Variants in ARRB2 observed in about 807,000 individuals in gnomAD.
The protein encoded by ARRB2 is arrestin beta 2.
ARRB2 carries 21 observed loss-of-function variants against 53.4 expected under a neutral mutation model. The ratio of observed to expected loss-of-function variants is 0.39; its 90% CI spans 0.28 to 0.57. The LOEUF (loss-of-function observed/expected upper bound fraction) is 0.57, where lower values mean the gene tolerates loss of function less well. Among genes scored for constraint, ARRB2 ranks in the 20% least tolerant of loss-of-function variants. The pLI is 0.55. For synonymous variants in ARRB2, 180 were observed against 212.9 expected (o/e 0.85, Z 1.34); for missense variants, 369 against 527.5 (o/e 0.70, Z 2.94).
At chr17:4,719,553 G>C in intron 11 of ARRB2, 133 bp downstream of exon 11, 2 of 1,314,002 alleles carry the variant, frequency 1.5e-6, no homozygotes, top group Non-Finnish European at 2.1e-6. Context: ...AGGGGAGGGA[G>C]GATAGCCAAA....
chr17:4,713,079 G>A (rs189418877), intron 1 of ARRB2, among the ~76,000 whole-genome samples: 2 of 152,328 alleles, frequency 1.3e-5, no homozygotes, highest in East Asian at 1.9e-4. Flanking sequence ...ACCTAAGGCC[G>A]GGCACGGTGG....
Position 4,719,340 on chromosome 17 carries a change from C to T in ARRB2, c.837C>T (p.Leu279=). 6.2e-7 allele frequency: 1 copy of T among 1,614,152 alleles called. No individual in the cohort carries two copies. Among genetic ancestry groups the T allele is most frequent in the Non-Finnish European group, 8.5e-7 (1 of 1,180,018 alleles). The change falls in exon 11 of 15, where the codon CTC becomes CTT. Residue 279 remains leucine, a synonymous_variant. Transcript: ENST00000269260. ...FCKVYTITPL[L]SDNREKRGLA... ...AGGTGTACACCATAACCCCACTGCT[C>T]AGCGACAACCGGGAGAAGCGGGGTC...
At chr17:4,716,808 C>A in intron 5 of ARRB2, 200 bp downstream of exon 5, 1 of 942,672 alleles carries the variant, frequency 1.1e-6, no homozygotes, top group Non-Finnish European at 1.5e-6. Context: ...TTCTTCCCTT[C>A]TCATCCCCAG....
chr17:4,715,694 GACACACAC>G (rs150787978), intron 2 of ARRB2: 29,623 of 439,766 alleles, frequency 0.067, 2,074 homozygotes, highest in African/African-American at 0.29. Context: ...GTTGGCTGAG[GACACACAC>G]ACACACACAC....
At position 4,717,904 on chromosome 17, in the gene ARRB2, G is replaced by C; in HGVS notation, c.502G>C (p.Val168Leu). 1 of 1,614,028 alleles carries C rather than the reference G, an allele frequency of 6.2e-7. No homozygotes were observed. Among genetic ancestry groups the C allele is most frequent in the Admixed American group, 1.7e-5 (1 of 60,034 alleles). Residue 168 changes from valine to leucine, a missense_variant, in exon 8 of 15, where the codon GTG becomes CTG. By Grantham distance (32) the Val-to-Leu change is conservative (BLOSUM62 1). Coordinates refer to ENST00000269260, the MANE Select transcript of ARRB2 (RefSeq NM_004313.4). The surrounding 1 kb of genome is among the most constrained non-coding windows in gnomAD (Gnocchi z 6.0). ...TGATCCCAGGAACTCTGTGCGGCTG[G>C]TGATCCGAAAGGTGCAGTTCGCCCC... Reference protein sequence around the residue: ...KSHKRNSVRLVIRKVQFAPEK... With the variant: ...KSHKRNSVRLLIRKVQFAPEK...
At position 4,715,694 on chromosome 17, in the gene ARRB2, G is replaced by GAC. The variant is rs150787978; in HGVS notation, c.55-249_55-248dup. On this transcript the variant is annotated intron_variant, in intron 2 of 14. Coordinates refer to ENST00000269260, the MANE Select transcript of ARRB2 (RefSeq NM_004313.4). ...ACACACACCTGACTGGTTGGCTGAG[G>GAC]ACACACACACACACACACACACACA... 1,179 of 443,464 alleles carry GAC rather than the reference G, an allele frequency of 2.7e-3. 12 individuals carry two copies. Among genetic ancestry groups the GAC allele is most frequent in the African/African-American group, 0.022 (1,045 of 46,462 alleles). The allele number at this position is 443,464 out of a possible 1,614,324, so 27.5% of individuals were successfully genotyped here. A position where few individuals can be genotyped will look rare whatever the true frequency, so the allele number is the denominator to read the frequency against.
At chr17:4,719,197 G>C (rs1915421567) in intron 10 of ARRB2, 86 bp from the exon 11 acceptor site, 1 of 1,497,232 alleles carries the variant, frequency 6.7e-7, no homozygotes. Context: ...GGACTAGTGA[G>C]GGGGAGATGC....
In ARRB2 at chr17:4,720,946, C is replaced by T. The variant is rs561007969; in HGVS notation, c.1137C>T (p.Asn379=). The T allele has an allele frequency of 1.9e-6, 3 of 1,613,932 alleles. No homozygotes were observed. The Admixed American group carries it at 5.0e-5, about 27-fold the overall frequency. ...CACAACCCTCTTTCCCACCACCAAG[C>T]TATGCCACAGATGATGACATTGTGT... is the stretch of plus-strand genomic sequence containing the variant. ...VDTNLIEFDT[N]YATDDDIVFE... is the part of the protein sequence containing the mutation. The change falls in exon 15 of 15, where the codon AAC becomes AAT. Residue 379 remains asparagine (N), a splice_region_variant and synonymous_variant. Transcript: ENST00000269260.
intron 2 of ARRB2, 101 bp downstream of exon 2, chr17:4,715,144 C>T: frequency 7.6e-7 from 1 of 1,309,832 alleles, no homozygotes; most frequent in African/African-American, 1.5e-5. Context: ...TGATCCCCAA[C>T]CCCTAGCTCC....
chr17:4,712,280 G>T (rs1253445445), intron 1 of ARRB2, among the ~76,000 whole-genome samples: 3 of 152,236 alleles, frequency 2.0e-5, no homozygotes, highest in Non-Finnish European at 4.4e-5. Context: ...TTATTGGTTA[G>T]GAATACCTGG....
At position 4,716,681 on chromosome 17, in the gene ARRB2, T is replaced by C. The variant is rs1313932544; in HGVS notation, c.357+73T>C. 3 of 1,515,872 alleles carry C rather than the reference T, an allele frequency of 2.0e-6. No individual in the cohort carries two copies. In the African/African-American group the frequency reaches 4.2e-5, roughly 21 times the overall value. The allele number at this position is 1,515,872 out of a possible 1,614,324, so 93.9% of individuals were successfully genotyped here. A position where few individuals can be genotyped will look rare whatever the true frequency, so the allele number is the denominator to read the frequency against. On this transcript the variant is annotated intron_variant, in intron 5 of 14. Coordinates refer to ENST00000269260, the MANE Select transcript of ARRB2 (RefSeq NM_004313.4). ...TGTGTCTGGGGTGGGGGTAAGGCAC[T>C]GCTGTGGGCAGATCTGGAAGAAACA...
intron 1 of ARRB2, among the ~76,000 whole-genome samples, chr17:4,713,506 C>T (rs982360488): frequency 6.6e-6 from 1 of 152,126 alleles, no homozygotes; most frequent in African/African-American, 2.4e-5. Context: ...TGGTGGGTGC[C>T]TGTAGTCCCA....
At chr17:4,712,763 C>A (rs1914543985) in intron 1 of ARRB2, among the ~76,000 whole-genome samples, 1 of 152,202 alleles carries the variant, frequency 6.6e-6, no homozygotes, top group Admixed American at 6.5e-5. Flanking sequence ...AGCAAATAAC[C>A]TTCAATTCAA....
At position 4,710,732 on chromosome 17, in the gene ARRB2, A is replaced by G. The variant is rs1177660966; in HGVS notation, c.11A>G (p.Lys4Arg). ...GCGGGCGCGCGCACCATGGGGGAGA[A>G]ACCCGGGACCAGGTAAGGGAGGTGG... The part of the protein sequence containing the change: MGE[K>R]PGTRVFKKSS... Residue 4 changes from lysine to arginine, a missense_variant, in exon 1 of 15, where the codon AAA becomes AGA. By Grantham distance (26) the Lys-to-Arg change is conservative. Coordinates refer to ENST00000269260, the MANE Select transcript of ARRB2 (RefSeq NM_004313.4). The G allele has an allele frequency of 2.5e-6, 1 of 398,960 alleles. No homozygotes were observed. Among genetic ancestry groups the G allele is most frequent in the Non-Finnish European group, 4.4e-6 (1 of 226,482 alleles). The allele number at this position is 398,960 out of a possible 1,614,324, so 24.7% of individuals were successfully genotyped here.
In ARRB2 at chr17:4,716,515, C is replaced by A; in HGVS notation, c.264C>A (p.Phe88Leu). ...TGTTCATCGCCACCTACCAGGCCTT[C>A]CCCCCGGTGCCCAACCCACCCCGGC... ...KDLFIATYQA[F>L]PPVPNPPRPP... Residue 88 changes from phenylalanine (F) to leucine (L), a missense_variant, in exon 5 of 15, where the codon TTC becomes TTA. Phe to Leu is a conservative substitution (Grantham distance 22, BLOSUM62 0). Transcript: ENST00000269260. 6.2e-7 allele frequency: 1 copy of A among 1,612,714 alleles called. No homozygotes were observed. The highest frequency in any genetic ancestry group is 8.5e-7 in the Non-Finnish European group (1 of 1,179,538).
chr17:4,718,508 C>T (rs1306048018), intron 9 of ARRB2, 104 bp from the exon 10 acceptor site: 1 of 1,306,062 alleles, frequency 7.7e-7, no homozygotes, highest in Non-Finnish European at 1.1e-6. Flanking sequence ...GTGTTTACTG[C>T]TTCAGTGGGG....
intron 1 of ARRB2, among the ~76,000 whole-genome samples, chr17:4,712,449 G>C (rs1327132033): frequency 6.6e-6 from 1 of 152,250 alleles, no homozygotes; most frequent in African/African-American, 2.4e-5. Flanking sequence ...GTCAGAGCTG[G>C]AGACCAGATG....
chr17:4,720,283 G>A lies in ARRB2; in HGVS notation c.985G>A (p.Val329Met), dbSNP rs956173425. ...LVSYRVKVKL[V>M]VSRGGDVSVE... ...GTCCTACAGGGTCAAGGTGAAGCTG[G>A]TGGTGTCTCGAGGCGGGTGAGTGTC... is the stretch of plus-strand genomic sequence containing the variant. The change falls in exon 12 of 15, where the codon GTG becomes ATG. Residue 329 changes from valine to methionine, a missense_variant. Transcript: ENST00000269260. 6.2e-7 allele frequency: 1 copy of A among 1,614,026 alleles called. No individual in the cohort carries two copies. Among genetic ancestry groups the A allele is most frequent in the Admixed American group, 1.7e-5 (1 of 60,012 alleles).
Position 4,720,824 on chromosome 17 carries a change from C to T in ARRB2, c.1137-122C>T, listed in dbSNP as rs564792870. The T allele has an allele frequency of 2.7e-6, 3 of 1,117,012 alleles. No homozygotes were observed. The African/African-American group carries it at 4.7e-5, about 17-fold the overall frequency. 69.2% of individuals were successfully genotyped at this position (1,117,012 alleles called of 1,614,324 possible). ...TCTTTGTCCCTTCCTGTAAATACCT[C>T]TGGTCCCACTGCTGTTCGAACGCCT... On this transcript the variant is annotated intron_variant, in intron 14 of 14. Transcript: ENST00000269260.
Sources: gnomAD v4.1 joint callset for allele counts (sites outside exome capture counted in the v4.1 genomes callset) on GRCh38, gnomAD v4.1.1 for gene constraint, Gnocchi (gnomAD v3.1) non-coding constraint, MANE v1.5 for transcripts, NCBI Gene and HGNC (gene_info 2026-07-23, HGNC 2026-07-21) for gene names.